Variants in GARRE1 observed in about 807,000 individuals in gnomAD.
GARRE1 encodes granule associated Rac and RHOG effector protein 1.
Under a neutral mutation model 103.2 loss-of-function variants are expected in GARRE1, and 49 were observed. That is an observed-to-expected ratio of 0.47 (90% confidence interval 0.38 to 0.60). The LOEUF (loss-of-function observed/expected upper bound fraction) is 0.60. Among genes scored for constraint, GARRE1 ranks in the 20% least tolerant of loss-of-function variants. The pLI, the probability that GARRE1 is intolerant of heterozygous loss-of-function variation, is 0.00. For missense variants in GARRE1, 1,199 were observed against 1,370.5 expected, an observed-to-expected ratio of 0.87 and a Z score of 1.98; for synonymous variants, 505 against 532.8, an observed-to-expected ratio of 0.95 and a Z score of 0.72.
At chr19:34,348,108 A>G in intron 11 of GARRE1, 66 bp downstream of exon 11, 1 of 1,309,208 alleles carries the variant, frequency 7.6e-7, no homozygotes, top group South Asian at 2.0e-5. Context: ...GGCCTGTGAG[A>G]AGAGAGGCTC....
At chr19:34,286,717 G>A (rs1170897673) in intron 1 of GARRE1, among the ~76,000 whole-genome samples, 1 of 151,376 alleles carries the variant, frequency 6.6e-6, no homozygotes, top group East Asian at 1.9e-4. Flanking sequence ...TAGCCAGGAT[G>A]GTCTCGATCT....
At chr19:34,283,498 T>C (rs934320855) in intron 1 of GARRE1, among the ~76,000 whole-genome samples, 3 of 152,194 alleles carry the variant, frequency 2.0e-5, no homozygotes, top group Non-Finnish European at 2.9e-5. Flanking sequence ...GTGCTTAATA[T>C]GTGCCAGACA....
chr19:34,335,889 A>G (rs991540657), intron 8 of GARRE1, among the ~76,000 whole-genome samples: 3 of 152,192 alleles, frequency 2.0e-5, no homozygotes, highest in African/African-American at 4.8e-5. Context: ...GAGTCTATGA[A>G]TATATTTAAG....
Position 34,354,913 on chromosome 19 carries a change from C to G in GARRE1, c.*1958C>G, listed in dbSNP as rs2074263391. ...TTCACCTCACCATGTTTACAAAGAA[C>G]TGTTTTGTATATAGACATTTTCAGG... On this transcript the variant is annotated 3_prime_UTR_variant, in exon 14 of 14. Coordinates refer to ENST00000299505, the MANE Select transcript of GARRE1 (RefSeq NM_014686.5). 1 of 152,528 alleles carries G rather than the reference C, an allele frequency of 6.6e-6. No homozygotes were observed. The highest frequency in any genetic ancestry group is 1.5e-5 in the Non-Finnish European group (1 of 68,034). The allele number at this position is 152,528 out of a possible 1,614,324, so 9.4% of individuals were successfully genotyped here. A position where few individuals can be genotyped will look rare whatever the true frequency, so the allele number is the denominator to read the frequency against.
At chr19:34,299,237 A>G (rs114954908) in intron 1 of GARRE1, among the ~76,000 whole-genome samples, 6 of 151,950 alleles carry the variant, frequency 3.9e-5, no homozygotes, top group Admixed American at 3.3e-4. Flanking sequence ...TTTCGTAACA[A>G]CCTTTTTGAT....
At chr19:34,342,505 G>A (rs1214632916) in intron 10 of GARRE1, 50 bp downstream of exon 10, 1 of 1,517,862 alleles carries the variant, frequency 6.6e-7, no homozygotes, top group Non-Finnish European at 9.0e-7. Flanking sequence ...AAATGCAACT[G>A]CCGAGGTCTT....
At chr19:34,332,469 C>T (rs530217723) in intron 7 of GARRE1, among the ~76,000 whole-genome samples, 1 of 152,142 alleles carries the variant, frequency 6.6e-6, no homozygotes, top group South Asian at 2.1e-4. Context: ...AAAAAAAGTT[C>T]CATGTTATTC....
intron 1 of GARRE1, among the ~76,000 whole-genome samples, chr19:34,265,056 G>T (rs1168740432): frequency 6.6e-6 from 1 of 151,988 alleles, no homozygotes; most frequent in Non-Finnish European, 1.5e-5. Flanking sequence ...CAGTGGCAAA[G>T]AATCATAATG....
chr19:34,282,677 GTT>G (rs1318824410), intron 1 of GARRE1, among the ~76,000 whole-genome samples: 1 of 152,172 alleles, frequency 6.6e-6, no homozygotes, highest in African/African-American at 2.4e-5. Flanking sequence ...AGGTCCCTCT[GTT>G]TTTCAATAGT....
chr19:34,351,631 C>T (rs1221967003), intron 13 of GARRE1, 39 bp downstream of exon 13: 2 of 1,435,478 alleles, frequency 1.4e-6, no homozygotes, highest in African/African-American at 1.4e-5. Flanking sequence ...CTTGGGCTAG[C>T]TTCCACAGCT....
At chr19:34,308,727 T>C (rs1056400888) in intron 2 of GARRE1, among the ~76,000 whole-genome samples, 5 of 152,214 alleles carry the variant, frequency 3.3e-5, no homozygotes, top group Non-Finnish European at 5.9e-5. Context: ...ATTATTCTGA[T>C]AAATGCTAAT....
At chr19:34,289,541 T>C (rs953704202) in intron 1 of GARRE1, among the ~76,000 whole-genome samples, 3 of 151,804 alleles carry the variant, frequency 2.0e-5, no homozygotes, top group Non-Finnish European at 4.4e-5. Flanking sequence ...CTGGCCAACA[T>C]GGTGAAATCC....
intron 1 of GARRE1, among the ~76,000 whole-genome samples, chr19:34,281,322 ACT>A (rs574941423): frequency 8.5e-4 from 130 of 152,120 alleles, no homozygotes; most frequent in African/African-American, 3.1e-3. Context: ...ATGGAGTCTC[ACT>A]CTGTCACCCA....
intron 1 of GARRE1, among the ~76,000 whole-genome samples, chr19:34,260,401 C>A (rs4806003): frequency 0.47 from 71,513 of 152,140 alleles, 20,134 homozygotes; most frequent in Non-Finnish European, 0.63. Context: ...TATTCACTTT[C>A]TTGAAATGAT....
chr19:34,300,069 A>G lies in GARRE1; in HGVS notation c.-405A>G, dbSNP rs2073968552. ...TTTTTGGGTTCTAACTTTTTTGGGT[A>G]TATTGAAGACACAGTGTATTACATT... On this transcript the variant is annotated 5_prime_UTR_variant, in exon 2 of 14. Transcript: ENST00000299505. The G allele has an allele frequency of 6.3e-6, 1 of 158,030 alleles. No homozygotes were observed. Among genetic ancestry groups the G allele is most frequent in the Admixed American group, 6.5e-5 (1 of 15,450 alleles). The allele number at this position is 158,030 out of a possible 1,614,324, so 9.8% of individuals were successfully genotyped here.
In GARRE1 at chr19:34,290,697, C is replaced by T. The variant is rs1043196367; in HGVS notation, c.-795-8982C>T. The stretch of plus-strand genomic sequence containing the variant: ...AGAGGTGGGGTCTTTCTGTGTTGCC[C>T]GGGCTGGTCTTGAACTCCTGGCCTC... On this transcript the variant is annotated intron_variant, in intron 1 of 13. Transcript: ENST00000299505. 4.0e-5 allele frequency among the ~76,000 whole-genome samples: 6 copies of T among 151,742 alleles called. No individual in the cohort carries two copies. The East Asian group carries it at 5.8e-4, about 15-fold the overall frequency.
chr19:34,289,807 CAGTTTGA>C (rs914791183), intron 1 of GARRE1, among the ~76,000 whole-genome samples: 10 of 152,164 alleles, frequency 6.6e-5, no homozygotes, highest in African/African-American at 2.4e-4. Context: ...ATCTGTCTGC[CAGTTTGA>C]AGTTCTGAGA....
chr19:34,333,223 G>T (rs1282608998), intron 7 of GARRE1, among the ~76,000 whole-genome samples: 1 of 152,062 alleles, frequency 6.6e-6, no homozygotes, highest in African/African-American at 2.4e-5. Context: ...TGTATTTTTA[G>T]TGGAGACGGG....
chr19:34,351,096 C>A (rs377532946), intron 12 of GARRE1, among the ~76,000 whole-genome samples: 1 of 151,030 alleles, frequency 6.6e-6, no homozygotes, highest in Non-Finnish European at 1.5e-5. Flanking sequence ...CTACTCGGGA[C>A]GCTGAGGCAC....
Sources: allele counts gnomAD v4.1 joint callset (sites outside exome capture counted in the v4.1 genomes callset), GRCh38; gene constraint gnomAD v4.1.1; transcripts MANE v1.5; gene names NCBI Gene and HGNC (gene_info 2026-07-23, HGNC 2026-07-21).